CTNNA1: variants seen among roughly 807,000 people sequenced by gnomAD.
The protein encoded by CTNNA1 is catenin alpha-1.
In CTNNA1, 37 loss-of-function variants were observed where a neutral mutation model predicts 98.4. The observed-to-expected ratio is 0.38, with a 90% CI of 0.29 to 0.49. The LOEUF (loss-of-function observed/expected upper bound fraction) is 0.49, where lower values mean the gene tolerates loss of function less well. Among genes scored for constraint, CTNNA1 ranks in the 20% least tolerant of loss-of-function variants. The pLI is 0.95. For missense variants in CTNNA1, 761 were observed against 1,147.2 expected (o/e 0.66, Z 4.86); for synonymous variants, 404 against 413.2 (o/e 0.98, Z 0.27).
chr5:138,763,438 G>T (rs960071474), intron 1 of CTNNA1, among the ~76,000 whole-genome samples: 1 of 151,784 alleles, frequency 6.6e-6, no homozygotes, highest in Non-Finnish European at 1.5e-5. Flanking sequence ...TTTGAGACAG[G>T]GTCAAGCCAT....
rs1561686728 is a variant in CTNNA1, at chr5:138,899,203, CT to C, written c.1297-5142del. Among the ~76,000 whole-genome samples, 2 of 151,742 alleles carry C rather than the reference CT, an allele frequency of 1.3e-5. 1 individual carries two copies. The highest frequency in any genetic ancestry group is 2.9e-5 in the Non-Finnish European group (2 of 67,936). Reference sequence around the variant, plus strand: ...CCAAGACGGCTCATTTCCTTGTATACTTTTGTTTTTGTTTTTGTTTTTTTAA... The same window carrying C: ...CCAAGACGGCTCATTTCCTTGTATACTTTGTTTTTGTTTTTGTTTTTTTAA... On this transcript the variant is annotated intron_variant, in intron 9 of 17. Transcript: ENST00000302763.
At chr5:138,797,001 C>T (rs1004312075) in intron 3 of CTNNA1, among the ~76,000 whole-genome samples, 7 of 152,146 alleles carry the variant, frequency 4.6e-5, no homozygotes, top group African/African-American at 1.7e-4. Flanking sequence ...TACAGATACC[C>T]ATTTATTTTA....
In CTNNA1 at chr5:138,874,574, A is replaced by G; in HGVS notation, c.1063-11638A>G. 4.8e-6 allele frequency: 7 copies of G among 1,444,304 alleles called. No individual in the cohort carries two copies. The highest frequency in any genetic ancestry group is 6.5e-6 in the Non-Finnish European group (7 of 1,072,464). The allele number at this position is 1,444,304 out of a possible 1,614,324, so 89.5% of individuals were successfully genotyped here. On this transcript the variant is annotated intron_variant, in intron 7 of 17. Transcript: ENST00000302763. The surrounding 1 kb of genome is among the most constrained non-coding windows in gnomAD (Gnocchi z 4.1). ...ATGTAAGCCTGCAGAATATAATTTA[A>G]GGAAAACAAGAAGATAGGATATTTT...
chr5:138,823,032 A>T (rs1301496999), intron 5 of CTNNA1, among the ~76,000 whole-genome samples: 1 of 152,218 alleles, frequency 6.6e-6, no homozygotes, highest in Admixed American at 6.5e-5. Context: ...CAAAATGTTT[A>T]AATTTATACT....
intron 9 of CTNNA1, among the ~76,000 whole-genome samples, chr5:138,902,750 A>G (rs1013653120): frequency 3.3e-5 from 5 of 152,196 alleles, no homozygotes; most frequent in Non-Finnish European, 7.3e-5. Flanking sequence ...ACAAAATGCT[A>G]ATTTTTTCAA....
intron 7 of CTNNA1, among the ~76,000 whole-genome samples, chr5:138,858,745 G>C (rs1409044251): frequency 1.3e-5 from 2 of 151,916 alleles, no homozygotes; most frequent in African/African-American, 4.8e-5. Flanking sequence ...ACAGGCACCT[G>C]CCACCACGCC....
intron 3 of CTNNA1, among the ~76,000 whole-genome samples, chr5:138,788,664 G>A (rs1251755851): frequency 6.6e-6 from 1 of 152,164 alleles, no homozygotes; most frequent in Non-Finnish European, 1.5e-5. Flanking sequence ...ATGAATCCTT[G>A]AATAGGGCTC....
chr5:138,934,695 A>AGT lies in CTNNA1; in HGVS notation c.*607_*608dup, dbSNP rs1230242766. The AGT allele has an allele frequency of 6.5e-6, 1 of 152,750 alleles. No homozygotes were observed. The highest frequency in any genetic ancestry group is 2.4e-5 in the African/African-American group (1 of 41,462). 9.5% of individuals were successfully genotyped at this position (152,750 alleles called of 1,614,324 possible). On this transcript the variant is annotated 3_prime_UTR_variant, in exon 18 of 18. Coordinates refer to ENST00000302763, the MANE Select transcript of CTNNA1 (RefSeq NM_001903.5). ...GTACGCTGCTGCAGGACATTAATAAAGTTGCTTTTTTAGGCTACAGTGTCT... is the reference window on the plus strand; with the variant it reads ...GTACGCTGCTGCAGGACATTAATAAAGTGTTGCTTTTTTAGGCTACAGTGTCT...
intron 7 of CTNNA1, among the ~76,000 whole-genome samples, chr5:138,863,981 T>A (rs1764514712): frequency 6.6e-6 from 1 of 152,134 alleles, no homozygotes. Flanking sequence ...TTTTTTTAAT[T>A]AGATGGGATC....
intron 7 of CTNNA1, among the ~76,000 whole-genome samples, chr5:138,837,326 A>G (rs1185424642): frequency 2.6e-5 from 4 of 152,194 alleles, no homozygotes; most frequent in East Asian, 1.9e-4. Context: ...TTGACAAATT[A>G]TAGTTCTCAG....
At chr5:138,910,317 C>T (rs778124079) in intron 10 of CTNNA1, among the ~76,000 whole-genome samples, 10 of 134,766 alleles carry the variant, frequency 7.4e-5, no homozygotes, top group Non-Finnish European at 1.1e-4. Context: ...CCAGTGAAGC[C>T]TGGTAACTGT....
intron 7 of CTNNA1, among the ~76,000 whole-genome samples, chr5:138,856,384 C>G (rs1763728333): frequency 1.3e-5 from 2 of 151,990 alleles, no homozygotes; most frequent in Non-Finnish European, 2.9e-5. Flanking sequence ...ACTCTGTTAC[C>G]TAGGCTGGAG....
intron 12 of CTNNA1, 148 bp downstream of exon 12, chr5:138,924,858 A>G: frequency 1.4e-6 from 1 of 703,178 alleles, no homozygotes; most frequent in Non-Finnish European, 2.4e-6. Flanking sequence ...GAAGCTGGTC[A>G]TAGCCAAATT....
intron 1 of CTNNA1, chr5:138,754,250 T>A (rs1400729340): frequency 2.0e-5 from 3 of 151,686 alleles, no homozygotes; most frequent in African/African-American, 7.3e-5. Flanking sequence ...TTTTTTTAAT[T>A]GTTGTTGACT....
At chr5:138,816,943 C>T (rs566201933) in intron 5 of CTNNA1, among the ~76,000 whole-genome samples, 1 of 152,268 alleles carries the variant, frequency 6.6e-6, no homozygotes, top group Non-Finnish European at 1.5e-5. Flanking sequence ...AAAAGTGATC[C>T]ACCTGCCTTG....
intron 3 of CTNNA1, among the ~76,000 whole-genome samples, chr5:138,801,900 A>G (rs1443497315): frequency 3.3e-5 from 5 of 152,244 alleles, no homozygotes; most frequent in Non-Finnish European, 7.3e-5. Flanking sequence ...AACTCTAGCT[A>G]TGCAGCTAGA....
chr5:138,924,748 G>A (rs1414807478), intron 12 of CTNNA1, 38 bp downstream of exon 12: 12 of 1,524,832 alleles, frequency 7.9e-6, no homozygotes, highest in African/African-American at 2.8e-5. Flanking sequence ...CGCACACACC[G>A]CAGCCTCAGT....
chr5:138,926,607 C>T (rs1215456233), intron 13 of CTNNA1, among the ~76,000 whole-genome samples: 1 of 152,230 alleles, frequency 6.6e-6, no homozygotes, highest in Non-Finnish European at 1.5e-5. Context: ...ATGGGCATTG[C>T]TCTCGGTGCT....
At chr5:138,853,438 T>C (rs1298597646) in intron 7 of CTNNA1, among the ~76,000 whole-genome samples, 2 of 152,164 alleles carry the variant, frequency 1.3e-5, no homozygotes, top group Non-Finnish European at 2.9e-5. Flanking sequence ...TCTTTTGACA[T>C]TGCGTGTGTT....
Sources: gnomAD v4.1 joint callset for allele counts (sites outside exome capture counted in the v4.1 genomes callset) on GRCh38, gnomAD v4.1.1 for gene constraint, Gnocchi (gnomAD v3.1) non-coding constraint, MANE v1.5 for transcripts, NCBI Gene and HGNC (gene_info 2026-07-23, HGNC 2026-07-21) for gene names.